Variants in PPARGC1A observed in about 807,000 individuals in gnomAD.
The protein encoded by PPARGC1A is PPARG coactivator 1 alpha.
In PPARGC1A, 25 loss-of-function variants were observed where a neutral mutation model predicts 88.7. That is an observed-to-expected ratio of 0.28 (90% CI 0.21 to 0.39). The LOEUF is 0.39. Among genes scored for constraint, PPARGC1A ranks in the 10% least tolerant of loss-of-function variants. The probability of loss-of-function intolerance (pLI) is 1.00; values close to 1 mark genes in which losing one functional copy is unlikely to be tolerated. For missense variants in PPARGC1A, 880 were observed against 968.7 expected, an observed-to-expected ratio of 0.91 and a Z score of 1.22; for synonymous variants, 363 against 355.6, an observed-to-expected ratio of 1.02 and a Z score of -0.24.
chr4:24,066,816 G>A, the PPARGC1A span, among the ~76,000 whole-genome samples: 1 of 142,140 alleles, frequency 7.0e-6, no homozygotes, highest in Non-Finnish European at 1.5e-5. Flanking sequence ...AGACTTCCAT[G>A]GTTTTTTTGT....
chr4:23,901,344 T>G (rs910588755), upstream of PPARGC1A, among the ~76,000 whole-genome samples: 4 of 132,590 alleles, frequency 3.0e-5, no homozygotes, highest in Non-Finnish European at 6.1e-5. Flanking sequence ...CACTCCAGCC[T>G]AGGCGACACA....
the PPARGC1A span, among the ~76,000 whole-genome samples, chr4:23,952,736 C>A: frequency 2.6e-5 from 4 of 152,066 alleles, no homozygotes; most frequent in African/African-American, 4.8e-5. Flanking sequence ...ATGTAAGGAA[C>A]CCTGAAACTT....
At chr4:24,137,757 T>C in the PPARGC1A span, among the ~76,000 whole-genome samples, 564 of 152,306 alleles carry the variant, frequency 3.7e-3, 5 homozygotes, top group Middle Eastern at 0.034. Context: ...GTAACTTCAA[T>C]GTTCCTAAGC....
At chr4:23,928,897 T>C in the PPARGC1A span, among the ~76,000 whole-genome samples, 19 of 152,074 alleles carry the variant, frequency 1.2e-4, no homozygotes, top group Non-Finnish European at 1.8e-4. Context: ...AAACACTGCT[T>C]GTTCTTGTTT....
At chr4:23,808,942 T>A (rs1238755860) in intron 10 of PPARGC1A, among the ~76,000 whole-genome samples, 1 of 152,148 alleles carries the variant, frequency 6.6e-6, no homozygotes, top group African/African-American at 2.4e-5. Flanking sequence ...ATTATTAAAT[T>A]TCTGAAGGTT....
the PPARGC1A span, among the ~76,000 whole-genome samples, chr4:24,387,949 AAAGAAAGAAAGG>A: frequency 1.4e-5 from 2 of 138,754 alleles, no homozygotes; most frequent in Admixed American, 1.4e-4. Flanking sequence ...AGAAAGAAAG[AAAGAAAGAAAGG>A]GAGAGGGAGA....
chr4:24,214,479 T>A, the PPARGC1A span, among the ~76,000 whole-genome samples: 1 of 152,128 alleles, frequency 6.6e-6, no homozygotes, highest in East Asian at 1.9e-4. Flanking sequence ...TGGGAAGATA[T>A]TGGCAACAGG....
At chr4:24,246,572 A>G in the PPARGC1A span, among the ~76,000 whole-genome samples, 1 of 152,202 alleles carries the variant, frequency 6.6e-6, no homozygotes, top group Non-Finnish European at 1.5e-5. Context: ...GCTGTCATGA[A>G]ACCACTGCAC....
the PPARGC1A span, among the ~76,000 whole-genome samples, chr4:23,918,141 G>A: frequency 5.3e-5 from 8 of 152,264 alleles, no homozygotes; most frequent in South Asian, 1.0e-3. Context: ...AATATTTACT[G>A]CATGCCCAAT....
chr4:24,123,035 G>T, the PPARGC1A span, among the ~76,000 whole-genome samples: 2 of 152,196 alleles, frequency 1.3e-5, no homozygotes, highest in Non-Finnish European at 2.9e-5. Context: ...GTGCATGTGT[G>T]TGCAAACACA....
the PPARGC1A span, among the ~76,000 whole-genome samples, chr4:24,444,348 T>C: frequency 6.6e-6 from 1 of 152,162 alleles, no homozygotes; most frequent in Admixed American, 6.5e-5. Context: ...AGAGGCTTTT[T>C]AAACAAGGAA....
At chr4:24,277,387 A>G in the PPARGC1A span, among the ~76,000 whole-genome samples, 1 of 152,060 alleles carries the variant, frequency 6.6e-6, no homozygotes, top group Non-Finnish European at 1.5e-5. Context: ...TGGGCCCCCA[A>G]CTGTTTCCCA....
the PPARGC1A span, among the ~76,000 whole-genome samples, chr4:23,932,282 A>ATTAGTTTCTCGC: frequency 6.6e-6 from 1 of 151,090 alleles, no homozygotes; most frequent in Non-Finnish European, 1.5e-5. Context: ...AGTGGGACTA[A>ATTAGTTTCTCGC]TTAGTTCCTC....
the PPARGC1A span, among the ~76,000 whole-genome samples, chr4:24,231,753 T>C: frequency 6.6e-6 from 1 of 152,084 alleles, no homozygotes; most frequent in Non-Finnish European, 1.5e-5. Context: ...TTTTTCTTCC[T>C]TTTTTTGCCA....
At chr4:24,162,766 A>AT in the PPARGC1A span, among the ~76,000 whole-genome samples, 872 of 151,482 alleles carry the variant, frequency 5.8e-3, 29 homozygotes, top group East Asian at 0.099. Context: ...TAATTTTTGT[A>AT]TTTTTTTAGT....
At chr4:23,904,974 G>T (rs1434172341), upstream of PPARGC1A, among the ~76,000 whole-genome samples, 3 of 152,152 alleles carry the variant, frequency 2.0e-5, no homozygotes, top group Non-Finnish European at 4.4e-5. Context: ...TGGCAGCGGT[G>T]GCGCTAAGTG....
upstream of PPARGC1A, among the ~76,000 whole-genome samples, chr4:23,904,701 A>G (rs1719832927): frequency 6.6e-6 from 1 of 152,166 alleles, no homozygotes; most frequent in Admixed American, 6.5e-5. Flanking sequence ...ACATGCACAG[A>G]GCAGGTCAAT....
chr4:24,457,397 CTTTA>C, the PPARGC1A span, among the ~76,000 whole-genome samples: 283 of 152,278 alleles, frequency 1.9e-3, no homozygotes, highest in African/African-American at 6.5e-3. Context: ...TGAATATGAG[CTTTA>C]TTTTTCACAA....
the PPARGC1A span, among the ~76,000 whole-genome samples, chr4:24,403,174 TC>T: frequency 1.3e-5 from 2 of 152,118 alleles, no homozygotes; most frequent in Admixed American, 1.3e-4. Flanking sequence ...CTATTTCTCT[TC>T]CCCAAAAGGA....
Sources: allele counts gnomAD v4.1 joint callset (sites outside exome capture counted in the v4.1 genomes callset), GRCh38; gene constraint gnomAD v4.1.1; transcripts MANE v1.5; gene names NCBI Gene and HGNC (gene_info 2026-07-23, HGNC 2026-07-21).